The following NKAIN2 variants were observed in gnomAD, a reference collection of about 807,000 sequenced individuals.
NKAIN2 encodes the protein sodium/potassium transporting ATPase interacting 2, also known as sodium/potassium-transporting ATPase subunit beta-1-interacting protein 2.
Under a neutral mutation model 32.6 loss-of-function variants are expected in NKAIN2, and 14 were observed. That is an observed-to-expected ratio of 0.43 (90% CI 0.28 to 0.67). The LOEUF is 0.67. Among genes scored for constraint, NKAIN2 ranks in the 30% least tolerant of loss-of-function variants. NKAIN2 has a pLI of 0.17. For synonymous variants in NKAIN2, 80 were observed against 87.2 expected, an observed-to-expected ratio of 0.92 and a Z score of 0.46; for missense variants, 198 against 258.3, an observed-to-expected ratio of 0.77 and a Z score of 1.60.
At chr6:124,161,510 C>CTTTTAAAA (rs974152778) in intron 1 of NKAIN2, among the ~76,000 whole-genome samples, 1 of 152,022 alleles carries the variant, frequency 6.6e-6, no homozygotes, top group African/African-American at 2.4e-5. Context: ...CTGATTTTAT[C>CTTTTAAAA]TTTTAAAATT....
chr6:124,790,720 G>C (rs1233369905), intron 4 of NKAIN2, among the ~76,000 whole-genome samples: 1 of 152,042 alleles, frequency 6.6e-6, no homozygotes, highest in Non-Finnish European at 1.5e-5. Context: ...CCTTTTTGTA[G>C]TGTTTCAGAA....
chr6:124,673,910 G>T, intron 4 of NKAIN2, among the ~76,000 whole-genome samples: 1 of 151,530 alleles, frequency 6.6e-6, no homozygotes. Context: ...TATTTTTTGT[G>T]GTTGCTTGTG....
At chr6:124,282,169 T>C (rs1483045545) in intron 1 of NKAIN2, 2 of 268,218 alleles carry the variant, frequency 7.5e-6, no homozygotes, top group Non-Finnish European at 1.5e-5. Context: ...TTTGGTTAGT[T>C]GGTTGGTTTT....
Position 124,779,243 on chromosome 6 carries a change from A to T in NKAIN2, c.475-12096A>T, listed in dbSNP as rs569785034. 2.0e-3 allele frequency among the ~76,000 whole-genome samples: 90 copies of T among 45,878 alleles called. 1 individual carries two copies. The highest frequency in any genetic ancestry group is 9.0e-3 in the African/African-American group (89 of 9,934). 30.1% of individuals were successfully genotyped at this position (45,878 alleles called of 152,430 possible). A position where few individuals can be genotyped will look rare whatever the true frequency, so the allele number is the denominator to read the frequency against. ...TGGGCGACAGAGCCAGACTCCAACA[A>T]AGAAAGAGAGAGAGAGAGAGAGAGA... is the stretch of plus-strand genomic sequence containing the variant. On this transcript the variant is annotated intron_variant, in intron 4 of 6. Transcript: ENST00000368417.
At chr6:124,048,450 A>G (rs539761888) in intron 1 of NKAIN2, among the ~76,000 whole-genome samples, 1 of 152,194 alleles carries the variant, frequency 6.6e-6, no homozygotes, top group East Asian at 1.9e-4. Context: ...TGTGTGCACA[A>G]TTAAGCAGGA....
chr6:123,992,443 C>T lies in NKAIN2; in HGVS notation c.54+188189C>T, dbSNP rs193151402. ...TTTGAAAAACAAACAAACAAACAAA[C>T]GAAACGGAATATTTCAGGGTTGCTA... On this transcript the variant is annotated intron_variant, in intron 1 of 6. Coordinates refer to ENST00000368417, the MANE Select transcript of NKAIN2 (RefSeq NM_001040214.3). Among the ~76,000 whole-genome samples, 27 of 152,042 alleles carry T rather than the reference C, an allele frequency of 1.8e-4. 1 individual carries two copies. Among genetic ancestry groups the T allele is most frequent in the African/African-American group, 2.9e-4 (12 of 41,470 alleles).
chr6:124,095,143 G>A (rs967344705), intron 1 of NKAIN2, among the ~76,000 whole-genome samples: 1 of 152,150 alleles, frequency 6.6e-6, no homozygotes, highest in African/African-American at 2.4e-5. Flanking sequence ...TGATGTTCAT[G>A]TCAACCCAAC....
At chr6:124,078,752 T>A (rs1783811346) in intron 1 of NKAIN2, among the ~76,000 whole-genome samples, 1 of 151,732 alleles carries the variant, frequency 6.6e-6, no homozygotes, top group African/African-American at 2.4e-5. Context: ...CTAAGACATA[T>A]TAAGTGAACA....
At chr6:124,018,458 G>C (rs1780695973) in intron 1 of NKAIN2, among the ~76,000 whole-genome samples, 1 of 152,088 alleles carries the variant, frequency 6.6e-6, no homozygotes, top group Non-Finnish European at 1.5e-5. Flanking sequence ...GCATCCTCAG[G>C]CTGTAAACTT....
chr6:124,540,428 T>C (rs1347492495), intron 3 of NKAIN2, among the ~76,000 whole-genome samples: 1 of 152,276 alleles, frequency 6.6e-6, no homozygotes, highest in African/African-American at 2.4e-5. Flanking sequence ...TCTTTCTCTC[T>C]GCTATCTACT....
chr6:123,933,918 A>G (rs1280012929), intron 1 of NKAIN2, among the ~76,000 whole-genome samples: 1 of 152,202 alleles, frequency 6.6e-6, no homozygotes, highest in African/African-American at 2.4e-5. Context: ...ATTATTAAGA[A>G]TTTCATGACA....
chr6:124,025,081 T>G (rs6927822), intron 1 of NKAIN2, among the ~76,000 whole-genome samples: 37,962 of 152,142 alleles, frequency 0.25, 6,445 homozygotes, highest in African/African-American at 0.48. Context: ...CCATGCTAAG[T>G]ATAAGATGCC....
At chr6:124,236,792 G>A (rs1169428239) in intron 1 of NKAIN2, among the ~76,000 whole-genome samples, 14 of 152,038 alleles carry the variant, frequency 9.2e-5, no homozygotes. Context: ...TTGAACACTA[G>A]GGAGAAGAAG....
intron 1 of NKAIN2, among the ~76,000 whole-genome samples, chr6:124,235,681 C>T (rs1792713489): frequency 6.6e-6 from 1 of 151,624 alleles, no homozygotes; most frequent in African/African-American, 2.4e-5. Flanking sequence ...TCACTGCAAC[C>T]TCTGCCTCCC....
At chr6:124,687,749 C>T (rs1392319697) in intron 4 of NKAIN2, among the ~76,000 whole-genome samples, 25 of 137,016 alleles carry the variant, frequency 1.8e-4, no homozygotes, top group Admixed American at 9.5e-4. Flanking sequence ...TATATACACA[C>T]ACACACACAC....
intron 1 of NKAIN2, among the ~76,000 whole-genome samples, chr6:124,255,525 A>G (rs1008971652): frequency 6.6e-6 from 1 of 152,224 alleles, no homozygotes; most frequent in Non-Finnish European, 1.5e-5. Context: ...CATGTGATCC[A>G]TCTATTTCGC....
intron 1 of NKAIN2, among the ~76,000 whole-genome samples, chr6:124,276,004 G>T (rs1164162459): frequency 1.3e-5 from 2 of 151,978 alleles, no homozygotes; most frequent in Non-Finnish European, 2.9e-5. Flanking sequence ...TCACATAGTG[G>T]TTAGAATTCA....
intron 4 of NKAIN2, among the ~76,000 whole-genome samples, chr6:124,701,141 ACACACACACACG>A (rs1184011511): frequency 8.0e-6 from 1 of 124,854 alleles, no homozygotes; most frequent in African/African-American, 3.3e-5. Context: ...AGAGAGATAC[ACACACACACACG>A]CACACACACA....
Position 123,844,115 on chromosome 6 carries a change from G to A in NKAIN2, c.54+39861G>A, listed in dbSNP as rs565903561. Among the ~76,000 whole-genome samples the A allele has an allele frequency of 5.9e-5, 9 of 152,310 alleles. No individual in the cohort carries two copies. In the East Asian group the frequency reaches 1.7e-3, roughly 29 times the overall value. ...GGTGAGAGACAGGAGGGCAAGAGAA[G>A]GTCGGAGAAGCTTTGGTTCTCCTTT... On this transcript the variant is annotated intron_variant, in intron 1 of 6. Transcript: ENST00000368417.
Sources: allele counts gnomAD v4.1 joint callset (sites outside exome capture counted in the v4.1 genomes callset), GRCh38; gene constraint gnomAD v4.1.1; transcripts MANE v1.5; gene names NCBI Gene and HGNC (gene_info 2026-07-23, HGNC 2026-07-21).